CYFIP2: variants seen among roughly 807,000 people sequenced by gnomAD.
CYFIP2 encodes cytoplasmic FMR1 interacting protein 2.
A neutral mutation model predicts 158.7 loss-of-function variants in CYFIP2; 29 were observed. The observed-to-expected ratio is 0.18, with a 90% CI of 0.14 to 0.25. The LOEUF (loss-of-function observed/expected upper bound fraction) is 0.25, where lower values mean the gene tolerates loss of function less well. CYFIP2 is among the 10% of genes least tolerant of loss of function. The pLI, the probability that CYFIP2 is intolerant of heterozygous loss-of-function variation, is 1.00. For missense variants in CYFIP2, 852 were observed against 1,639.5 expected, an observed-to-expected ratio of 0.52 and a Z score of 8.29; for synonymous variants, 585 against 617.6, an observed-to-expected ratio of 0.95 and a Z score of 0.78.
intron 23 of CYFIP2, chr5:157,342,311 T>C (rs1273888565): frequency 6.5e-6 from 1 of 152,674 alleles, no homozygotes; most frequent in African/African-American, 2.4e-5. Context: ...TTATTAATAA[T>C]AGTGAAGATA....
Position 157,369,476 on chromosome 5 carries a change from G to A in CYFIP2, c.3039+7878G>A, listed in dbSNP as rs150866710. Among the ~76,000 whole-genome samples, 594 of 152,256 alleles carry A rather than the reference G, an allele frequency of 3.9e-3. 3 individuals are homozygous for A. The highest frequency in any genetic ancestry group is 8.5e-3 in the South Asian group (41 of 4,824). On this transcript the variant is annotated intron_variant, in intron 26 of 30. Coordinates refer to ENST00000620254, the MANE Select transcript of CYFIP2 (RefSeq NM_001037333.3). ...CAAGGCTCATTAACCATAAATCAGG[G>A]GAGGGACATTTCAGCTTCCTCCTGG...
chr5:157,359,951 C>G (rs376804842), intron 24 of CYFIP2, among the ~76,000 whole-genome samples: 226 of 152,278 alleles, frequency 1.5e-3, no homozygotes, highest in African/African-American at 5.0e-3. Flanking sequence ...CATGAATTTT[C>G]CAGGCTGAAA....
At chr5:157,374,890 C>G (rs920788927) in intron 26 of CYFIP2, among the ~76,000 whole-genome samples, 1 of 152,234 alleles carries the variant, frequency 6.6e-6, no homozygotes, top group African/African-American at 2.4e-5. Context: ...TTTGCTGATG[C>G]ATCAACTGCG....
rs368567797 is a variant in CYFIP2 at position 157,329,596 on chromosome 5, GA to G, written c.2157-1141del. ...TTTTTAGCAGACATATTTTAAAAAGGAAAAAGAAGCAGATGAAATTAATTTT... is the reference window on the plus strand; with the variant it reads ...TTTTTAGCAGACATATTTTAAAAAGGAAAAGAAGCAGATGAAATTAATTTT... On this transcript the variant is annotated intron_variant, in intron 19 of 30. Transcript: ENST00000620254. Among the ~76,000 whole-genome samples, 101 of 152,302 alleles carry G rather than the reference GA, an allele frequency of 6.6e-4. 4 individuals are homozygous for G. In the East Asian group the frequency reaches 0.019, roughly 28 times the overall value.
chr5:157,323,744 GT>G, intron 15 of CYFIP2, among the ~76,000 whole-genome samples, 176 bp from the exon 16 acceptor site: 1 of 152,164 alleles, frequency 6.6e-6, no homozygotes, highest in South Asian at 2.1e-4. Context: ...GGCCATGAAG[GT>G]TTTCACAGTT....
At chr5:157,297,885 A>G (rs1319489539) in intron 5 of CYFIP2, among the ~76,000 whole-genome samples, 1 of 152,268 alleles carries the variant, frequency 6.6e-6, no homozygotes, top group Non-Finnish European at 1.5e-5. Context: ...TCCTAGGCAC[A>G]CTGCAAGTGC....
At chr5:157,337,167 C>G (rs141989146) in intron 21 of CYFIP2, among the ~76,000 whole-genome samples, 96 of 152,274 alleles carry the variant, frequency 6.3e-4, no homozygotes, top group Middle Eastern at 3.4e-3. Flanking sequence ...CTAAGTGAAT[C>G]AGAATAAAGA....
chr5:157,377,453 CATCCTCCCCA>C (rs915126867), intron 26 of CYFIP2, among the ~76,000 whole-genome samples: 6 of 152,154 alleles, frequency 3.9e-5, no homozygotes, highest in African/African-American at 1.2e-4. Context: ...TCTTCCCTAT[CATCCTCCCCA>C]AAAGTCTGAA....
chr5:157,390,759 G>A, intron 30 of CYFIP2, 91 bp downstream of exon 30: 1 of 1,529,786 alleles, frequency 6.5e-7, no homozygotes, highest in Non-Finnish European at 8.8e-7. Context: ...AGCTGCTTGT[G>A]AAGGCCAGCT....
intron 23 of CYFIP2, chr5:157,343,010 T>A: frequency 6.2e-7 from 1 of 1,614,228 alleles, no homozygotes; most frequent in Non-Finnish European, 8.5e-7. Context: ...GGGGAGCCCC[T>A]GCAGGTCTTC....
chr5:157,371,034 G>A (rs917707553), intron 26 of CYFIP2, among the ~76,000 whole-genome samples: 6 of 152,198 alleles, frequency 3.9e-5, no homozygotes, highest in Non-Finnish European at 7.3e-5. Flanking sequence ...CAGAGACAGC[G>A]TCTCTCGGTT....
chr5:157,279,719 T>C (rs1382365704), intron 1 of CYFIP2, among the ~76,000 whole-genome samples: 1 of 152,282 alleles, frequency 6.6e-6, no homozygotes, highest in Admixed American at 6.5e-5. Flanking sequence ...TGGTAAATGA[T>C]GCTCCCAGAA....
At chr5:157,391,825 A>G (rs549912990) in intron 30 of CYFIP2, among the ~76,000 whole-genome samples, 1 of 134,100 alleles carries the variant, frequency 7.5e-6, no homozygotes, top group African/African-American at 2.7e-5. Context: ...TGGTAATTCT[A>G]TGTTTAACTT....
chr5:157,389,157 G>T, intron 28 of CYFIP2, 32 bp from the exon 29 acceptor site: 2 of 1,561,896 alleles, frequency 1.3e-6, no homozygotes, highest in Non-Finnish European at 1.7e-6. Flanking sequence ...CTAAGATGTG[G>T]ATAGAAGGTG....
intron 11 of CYFIP2, among the ~76,000 whole-genome samples, chr5:157,312,210 G>A (rs1422091144): frequency 6.6e-6 from 1 of 151,832 alleles, no homozygotes; most frequent in African/African-American, 2.4e-5. Flanking sequence ...AAACTAAACA[G>A]TAATAAATGA....
intron 19 of CYFIP2, 30 bp from the exon 20 acceptor site, chr5:157,330,712 C>T (rs780863549): frequency 6.4e-7 from 1 of 1,571,802 alleles, no homozygotes; most frequent in East Asian, 2.2e-5. Flanking sequence ...AATCTGTTTA[C>T]TGGCCTTGTT....
intron 12 of CYFIP2, 114 bp from the exon 13 acceptor site, chr5:157,314,855 T>G: frequency 2.4e-6 from 2 of 848,836 alleles, no homozygotes; most frequent in Admixed American, 2.7e-5. Context: ...GTAGCATGAA[T>G]CAGTACTTTA....
At chr5:157,366,541 T>C (rs1220281) in intron 26 of CYFIP2, among the ~76,000 whole-genome samples, 81,578 of 152,092 alleles carry the variant, frequency 0.54, 22,761 homozygotes, top group African/African-American at 0.62. Flanking sequence ...GATGTTTGTG[T>C]TTAATGGGAA....
At chr5:157,343,454 T>C in intron 23 of CYFIP2, 1 of 1,612,614 alleles carries the variant, frequency 6.2e-7, no homozygotes, top group Non-Finnish European at 8.5e-7. Context: ...CATAATATGG[T>C]AATAGTCCTC....
Sources: gnomAD v4.1 joint callset for allele counts (sites outside exome capture counted in the v4.1 genomes callset) on GRCh38, gnomAD v4.1.1 for gene constraint, MANE v1.5 for transcripts, NCBI Gene and HGNC (gene_info 2026-07-23, HGNC 2026-07-21) for gene names.